Variants in GTF2H3 observed in about 807,000 individuals in gnomAD.
The protein encoded by GTF2H3 is general transcription factor IIH subunit 3.
A neutral mutation model predicts 51.1 loss-of-function variants in GTF2H3; 42 were observed. That is an observed-to-expected ratio of 0.82 (90% CI 0.64 to 1.06). The LOEUF is 1.06. GTF2H3 is among the 50% of genes least tolerant of loss of function. The pLI, the probability that GTF2H3 is intolerant of heterozygous loss-of-function variation, is 0.00. For missense variants in GTF2H3, 326 were observed against 366.1 expected (o/e 0.89, Z 0.89); for synonymous variants, 123 against 123.8 (o/e 0.99, Z 0.04).
chr12:123,659,443 C>A, intron 9 of GTF2H3, 73 bp from the exon 10 acceptor site: 1 of 1,145,074 alleles, frequency 8.7e-7, no homozygotes, highest in Non-Finnish European at 1.3e-6. Flanking sequence ...CAAGGCATTG[C>A]TCATGAGAAC....
At chr12:123,654,700 T>C (rs1310526298) in intron 7 of GTF2H3, among the ~76,000 whole-genome samples, 1 of 152,122 alleles carries the variant, frequency 6.6e-6, no homozygotes, top group Non-Finnish European at 1.5e-5. Flanking sequence ...TGTATATACC[T>C]GCCCATGTAG....
chr12:123,634,868 T>G (rs904019794), intron 1 of GTF2H3, among the ~76,000 whole-genome samples: 1 of 152,214 alleles, frequency 6.6e-6, no homozygotes, highest in East Asian at 1.9e-4. Flanking sequence ...GCCTTTATTT[T>G]TAGGTGCAAT....
intron 1 of GTF2H3, among the ~76,000 whole-genome samples, chr12:123,636,484 A>G (rs1003779155): frequency 6.6e-6 from 1 of 152,180 alleles, no homozygotes; most frequent in Admixed American, 6.6e-5. Flanking sequence ...CTATTAAATG[A>G]GCATCCTAGA....
rs932504124 is a variant in GTF2H3 at position 123,661,744 on chromosome 12, CTGTTT to C, written c.*1523_*1527del. On this transcript the variant is annotated 3_prime_UTR_variant, in exon 13 of 13. Transcript: ENST00000543341. ...GGTCAGGAGTGATCAGGCTGGGTTTCTGTTTTGTTTTGTTTTGTGAGACAGAGTCT... is the reference window on the plus strand; with the variant it reads ...GGTCAGGAGTGATCAGGCTGGGTTTCTGTTTTGTTTTGTGAGACAGAGTCT... 2 of 151,996 alleles carry C rather than the reference CTGTTT, an allele frequency of 1.3e-5. No homozygotes were observed. Among genetic ancestry groups the C allele is most frequent in the East Asian group, 2.0e-4 (1 of 5,098 alleles). The allele number at this position is 151,996 out of a possible 1,614,324, so 9.4% of individuals were successfully genotyped here.
intron 1 of GTF2H3, among the ~76,000 whole-genome samples, chr12:123,636,866 G>A (rs1045164421): frequency 6.6e-6 from 1 of 151,984 alleles, no homozygotes; most frequent in African/African-American, 2.4e-5. Context: ...GCGGTGAGCC[G>A]AGATCGCGCC....
At chr12:123,633,959 G>T in intron 1 of GTF2H3, 87 bp downstream of exon 1, 1 of 1,416,490 alleles carries the variant, frequency 7.1e-7, no homozygotes. Context: ...GTGTCTTTTG[G>T]GCTGGATAGA....
Position 123,662,513 on chromosome 12 carries a change from T to C in GTF2H3, c.*2278T>C, listed in dbSNP as rs953779824. On this transcript the variant is annotated 3_prime_UTR_variant, in exon 13 of 13. Coordinates refer to ENST00000543341, the MANE Select transcript of GTF2H3 (RefSeq NM_001516.5). ...TTACTTTTTTATTTGAAATATCTTA[T>C]ATATTTGGTTAGTTCTGTTTAACTT... 8 of 152,204 alleles carry C rather than the reference T, an allele frequency of 5.3e-5. No individual in the cohort carries two copies. Among genetic ancestry groups the C allele is most frequent in the African/African-American group, 1.9e-4 (8 of 41,466 alleles). 9.4% of individuals were successfully genotyped at this position (152,204 alleles called of 1,614,324 possible). A position where few individuals can be genotyped will look rare whatever the true frequency, so the allele number is the denominator to read the frequency against.
At position 123,660,440 on chromosome 12, in the gene GTF2H3, C is replaced by G. The variant is rs1955642954; in HGVS notation, c.*205C>G. 3 of 436,802 alleles carry G rather than the reference C, an allele frequency of 6.9e-6. No homozygotes were observed. Among genetic ancestry groups the G allele is most frequent in the Admixed American group, 4.0e-5 (1 of 25,286 alleles). The allele number at this position is 436,802 out of a possible 1,614,324, so 27.1% of individuals were successfully genotyped here. On this transcript the variant is annotated 3_prime_UTR_variant, in exon 13 of 13. Transcript: ENST00000543341. The stretch of plus-strand genomic sequence containing the variant: ...AGGGAATCATTCTATGCATTATATC[C>G]TAAAATATTCTATGACTGGTTTCTG...
At chr12:123,637,612 C>T (rs1449709287) in intron 1 of GTF2H3, among the ~76,000 whole-genome samples, 1 of 151,458 alleles carries the variant, frequency 6.6e-6, no homozygotes, top group Non-Finnish European at 1.5e-5. Flanking sequence ...AAGTGATTCT[C>T]CTGCCTCAGC....
chr12:123,636,021 C>T, intron 1 of GTF2H3, among the ~76,000 whole-genome samples: 1 of 152,116 alleles, frequency 6.6e-6, no homozygotes, highest in Middle Eastern at 3.2e-3. Context: ...AATACGAATA[C>T]CATATATCAT....
intron 2 of GTF2H3, among the ~76,000 whole-genome samples, chr12:123,643,320 C>T (rs1030898316): frequency 6.6e-6 from 1 of 152,200 alleles, no homozygotes; most frequent in African/African-American, 2.4e-5. Context: ...TTGTGTGCTA[C>T]ATACTGCTGT....
intron 7 of GTF2H3, among the ~76,000 whole-genome samples, chr12:123,654,204 T>G (rs1955555075): frequency 6.8e-6 from 1 of 146,354 alleles, no homozygotes; most frequent in Non-Finnish European, 1.5e-5. Flanking sequence ...TTGTGTGTTT[T>G]GGGTGTATTT....
intron 5 of GTF2H3, among the ~76,000 whole-genome samples, chr12:123,652,096 C>G (rs1214965906): frequency 6.6e-6 from 1 of 152,128 alleles, no homozygotes; most frequent in Non-Finnish European, 1.5e-5. Context: ...TTGCATAGGG[C>G]AATACCTTTT....
At chr12:123,646,552 A>G (rs1294958274) in intron 3 of GTF2H3, among the ~76,000 whole-genome samples, 6 of 152,102 alleles carry the variant, frequency 3.9e-5, no homozygotes, top group African/African-American at 1.4e-4. Context: ...ATGAGCCACT[A>G]CACCTGGCTC....
chr12:123,655,865 A>G (rs959802827), intron 9 of GTF2H3, 41 bp downstream of exon 9: 2 of 1,297,968 alleles, frequency 1.5e-6, no homozygotes, highest in Admixed American at 3.6e-5. Context: ...GGTTATGACA[A>G]TTAGTGATTT....
At chr12:123,636,143 A>G (rs1282679953) in intron 1 of GTF2H3, among the ~76,000 whole-genome samples, 2 of 152,238 alleles carry the variant, frequency 1.3e-5, no homozygotes, top group Non-Finnish European at 2.9e-5. Flanking sequence ...TCCAGATGTC[A>G]ACAACTATTC....
intron 2 of GTF2H3, among the ~76,000 whole-genome samples, chr12:123,639,713 T>A (rs1955340235): frequency 6.6e-6 from 1 of 152,208 alleles, no homozygotes; most frequent in Non-Finnish European, 1.5e-5. Flanking sequence ...AATATTTTAT[T>A]TTTAAATAAT....
chr12:123,645,618 T>G, intron 3 of GTF2H3, 57 bp downstream of exon 3: 1 of 909,034 alleles, frequency 1.1e-6, no homozygotes, highest in Non-Finnish European at 1.8e-6. Context: ...GAGTTTTCTG[T>G]GCCAGTTGGC....
intron 1 of GTF2H3, 109 bp downstream of exon 1, chr12:123,633,981 C>G (rs898172220): frequency 2.5e-6 from 3 of 1,214,930 alleles, no homozygotes; most frequent in Non-Finnish European, 3.6e-6. Context: ...TCCGTTTGGT[C>G]TTTAGAGGAG....
Sources: allele counts gnomAD v4.1 joint callset (sites outside exome capture counted in the v4.1 genomes callset), GRCh38; gene constraint gnomAD v4.1.1; transcripts MANE v1.5; gene names NCBI Gene and HGNC (gene_info 2026-07-23, HGNC 2026-07-21).